The following ANKRD6 variants were observed in gnomAD, a reference collection of about 807,000 sequenced individuals.
ANKRD6 encodes ankyrin repeat domain 6, also known as ankyrin repeat domain-containing protein 6.
In ANKRD6, 56 loss-of-function variants were observed where a neutral mutation model predicts 82.3. That is an observed-to-expected ratio of 0.68 (90% CI 0.55 to 0.85). ANKRD6 has a LOEUF of 0.85. ANKRD6 is among the 40% of genes least tolerant of loss of function. The probability of loss-of-function intolerance (pLI) is 0.00; values close to 1 mark genes in which losing one functional copy is unlikely to be tolerated. For synonymous variants in ANKRD6, 347 were observed against 352.1 expected (o/e 0.99, Z 0.16); for missense variants, 852 against 907.6 (o/e 0.94, Z 0.79).
chr6:89,440,806 G>GA (rs34990951), intron 1 of ANKRD6, among the ~76,000 whole-genome samples: 24,597 of 139,244 alleles, frequency 0.18, 2,471 homozygotes, highest in Non-Finnish European at 0.24. Context: ...ATCCCATCTC[G>GA]AAAAAAAAAA....
intron 2 of ANKRD6, among the ~76,000 whole-genome samples, chr6:89,568,739 A>G (rs975954499): frequency 2.0e-5 from 3 of 152,090 alleles, no homozygotes; most frequent in Admixed American, 2.0e-4. Flanking sequence ...ACACAGTGAG[A>G]AGGTGGTCAT....
At chr6:89,472,940 T>G (rs1358825523) in intron 1 of ANKRD6, among the ~76,000 whole-genome samples, 2 of 152,190 alleles carry the variant, frequency 1.3e-5, no homozygotes, top group Non-Finnish European at 2.9e-5. Context: ...CTTATACTTT[T>G]TATTTAATAG....
At chr6:89,470,222 T>C (rs187271313) in intron 1 of ANKRD6, among the ~76,000 whole-genome samples, 1 of 152,332 alleles carries the variant, frequency 6.6e-6, no homozygotes, top group Admixed American at 6.5e-5. Context: ...TAAAAAAATT[T>C]CAACATTATA....
chr6:89,630,463 C>T lies in ANKRD6; in HGVS notation c.1643C>T (p.Pro548Leu). The change falls in exon 16 of 16, where the codon CCA becomes CTA. Residue 548 changes from proline to leucine, a missense_variant. Coordinates refer to ENST00000339746, the MANE Select transcript of ANKRD6 (RefSeq NM_001242809.2). ...GACCAATTAGTGGTGACTGCAGGTC[C>T]AGCAGCAGCTTCCGACAGCTCCCCT... is the stretch of plus-strand genomic sequence containing the variant. ...GVDQLVVTAG[P>L]AAASDSSPPV... is the part of the protein sequence containing the mutation. The T allele has an allele frequency of 6.2e-7, 1 of 1,613,502 alleles. No individual in the cohort carries two copies. The highest frequency in any genetic ancestry group is 8.5e-7 in the Non-Finnish European group (1 of 1,179,644).
At chr6:89,606,896 G>A (rs1202505669) in intron 5 of ANKRD6, among the ~76,000 whole-genome samples, 1 of 151,856 alleles carries the variant, frequency 6.6e-6, no homozygotes, top group African/African-American at 2.4e-5. Flanking sequence ...TTGGCCAGGT[G>A]CAGTGGCTTA....
intron 1 of ANKRD6, among the ~76,000 whole-genome samples, chr6:89,533,630 A>C (rs1291947416): frequency 6.6e-6 from 1 of 152,156 alleles, no homozygotes; most frequent in African/African-American, 2.4e-5. Flanking sequence ...TGAGAAGCAG[A>C]ATGCTGCTCT....
chr6:89,623,525 G>A lies in ANKRD6; in HGVS notation c.1013G>A (p.Arg338Lys). ...SPEPRAKDDR[R>K]RKSRPKVSAF... Reference sequence around the variant, plus strand: ...GAACCCAGAGCAAAGGATGACAGGAGGAGAAAGTCAAGGCCCAAGGTCAGG... The same window carrying A: ...GAACCCAGAGCAAAGGATGACAGGAAGAGAAAGTCAAGGCCCAAGGTCAGG... The change falls in exon 11 of 16, where the codon AGG becomes AAG. Residue 338 changes from arginine (R) to lysine (K), a missense_variant. Transcript: ENST00000339746. The A allele has an allele frequency of 6.3e-7, 1 of 1,586,732 alleles. No individual in the cohort carries two copies. Among genetic ancestry groups the A allele is most frequent in the Non-Finnish European group, 8.6e-7 (1 of 1,166,438 alleles).
intron 1 of ANKRD6, among the ~76,000 whole-genome samples, chr6:89,540,516 CTTG>C (rs575849317): frequency 1.0e-3 from 159 of 152,182 alleles, no homozygotes; most frequent in African/African-American, 3.6e-3. Flanking sequence ...CTTATATATT[CTTG>C]TTATTAATCC....
intron 1 of ANKRD6, among the ~76,000 whole-genome samples, chr6:89,542,034 A>T (rs1411980600): frequency 6.6e-6 from 1 of 152,048 alleles, no homozygotes; most frequent in Non-Finnish European, 1.5e-5. Context: ...TGAATAAAAA[A>T]TTGGGGCTTA....
At chr6:89,541,142 T>C (rs1473575634) in intron 1 of ANKRD6, among the ~76,000 whole-genome samples, 1 of 152,090 alleles carries the variant, frequency 6.6e-6, no homozygotes, top group Non-Finnish European at 1.5e-5. Context: ...TTTTAGGATT[T>C]TTTTTTCTAT....
intron 1 of ANKRD6, among the ~76,000 whole-genome samples, chr6:89,441,628 T>TC (rs1771400531): frequency 7.3e-6 from 1 of 137,548 alleles, no homozygotes; most frequent in African/African-American, 2.8e-5. Context: ...TCCTTTTTTT[T>TC]TTTTTTTTTT....
At chr6:89,476,987 C>G (rs1336117335) in intron 1 of ANKRD6, among the ~76,000 whole-genome samples, 1 of 152,176 alleles carries the variant, frequency 6.6e-6, no homozygotes, top group East Asian at 1.9e-4. Context: ...TTCTGTCGCC[C>G]AGGCTGGAGT....
At chr6:89,519,547 T>G (rs1781644780) in intron 1 of ANKRD6, among the ~76,000 whole-genome samples, 1 of 152,200 alleles carries the variant, frequency 6.6e-6, no homozygotes, top group Non-Finnish European at 1.5e-5. Flanking sequence ...ATGAGTTTGG[T>G]CTTAGATCTG....
chr6:89,530,488 T>A (rs1416438402), intron 1 of ANKRD6, among the ~76,000 whole-genome samples: 3 of 152,140 alleles, frequency 2.0e-5, no homozygotes, highest in African/African-American at 4.8e-5. Flanking sequence ...AGTTCACTGT[T>A]TTTTGTTTGG....
intron 4 of ANKRD6, among the ~76,000 whole-genome samples, 178 bp downstream of exon 4, chr6:89,603,305 T>A (rs1364180475): frequency 1.3e-5 from 2 of 151,166 alleles, no homozygotes; most frequent in African/African-American, 2.4e-5. Flanking sequence ...CTATCTGGTA[T>A]CCCAGCCAAT....
At chr6:89,593,364 A>C (rs188302682) in intron 2 of ANKRD6, among the ~76,000 whole-genome samples, 2 of 152,374 alleles carry the variant, frequency 1.3e-5, no homozygotes, top group Admixed American at 1.3e-4. Context: ...GAACCTGGTC[A>C]TGCCACTCTA....
intron 1 of ANKRD6, among the ~76,000 whole-genome samples, chr6:89,564,452 A>G (rs945392313): frequency 2.0e-5 from 3 of 152,220 alleles, no homozygotes; most frequent in African/African-American, 7.2e-5. Context: ...AGTGGTAATT[A>G]TCTAAACAAG....
At chr6:89,547,066 T>G (rs1785186723) in intron 1 of ANKRD6, among the ~76,000 whole-genome samples, 1 of 152,082 alleles carries the variant, frequency 6.6e-6, no homozygotes, top group Non-Finnish European at 1.5e-5. Flanking sequence ...GTTCAAATGA[T>G]CCTCCCACCT....
intron 1 of ANKRD6, among the ~76,000 whole-genome samples, chr6:89,544,439 G>A (rs966411423): frequency 2.6e-5 from 4 of 152,190 alleles, no homozygotes; most frequent in African/African-American, 2.4e-5. Flanking sequence ...GTCCTGTCCG[G>A]GCACAGTGGC....
Sources: allele counts gnomAD v4.1 joint callset (sites outside exome capture counted in the v4.1 genomes callset), GRCh38; gene constraint gnomAD v4.1.1; transcripts MANE v1.5; gene names NCBI Gene and HGNC (gene_info 2026-07-23, HGNC 2026-07-21).